Variants in AKAP6 observed in about 807,000 individuals in gnomAD.
The protein encoded by AKAP6 is A-kinase anchoring protein 6, also known as A-kinase anchor protein 6.
AKAP6 carries 58 observed loss-of-function variants against 188.5 expected under a neutral mutation model. The observed-to-expected ratio is 0.31, with a 90% CI of 0.25 to 0.38. The LOEUF is 0.38. Ranked by LOEUF, AKAP6 falls within the 10% of genes least tolerant of loss-of-function variation. The pLI, the probability that AKAP6 is intolerant of heterozygous loss-of-function variation, is 1.00. For missense variants in AKAP6, 2,710 were observed against 2,740.0 expected, an observed-to-expected ratio of 0.99 and a Z score of 0.24; for synonymous variants, 989 against 998.6, an observed-to-expected ratio of 0.99 and a Z score of 0.18.
At chr14:32,487,344 T>A (rs534719079) in intron 2 of AKAP6, among the ~76,000 whole-genome samples, 1 of 152,226 alleles carries the variant, frequency 6.6e-6, no homozygotes, top group Admixed American at 6.5e-5. Context: ...AAATGAGGTA[T>A]GGAGGAGTCC....
intron 2 of AKAP6, among the ~76,000 whole-genome samples, chr14:32,456,745 G>T (rs554179333): frequency 6.6e-6 from 1 of 152,258 alleles, no homozygotes; most frequent in South Asian, 2.1e-4. Context: ...AGAGGATCTT[G>T]TCCAAGGACC....
chr14:32,598,643 A>G (rs76895522), intron 5 of AKAP6, among the ~76,000 whole-genome samples: 1 of 152,322 alleles, frequency 6.6e-6, no homozygotes, highest in East Asian at 1.9e-4. Flanking sequence ...AGCATATAGT[A>G]AGATAAATTT....
At position 32,823,506 on chromosome 14, in the gene AKAP6, A is replaced by G; in HGVS notation, c.5693A>G (p.Asn1898Ser). The G allele has an allele frequency of 6.2e-7, 1 of 1,613,828 alleles. No homozygotes were observed. The highest frequency in any genetic ancestry group is 8.5e-7 in the Non-Finnish European group (1 of 1,179,868). ...TATGTGGCTGACATGGAAAATGGCA[A>G]TATTGAAGGTATTCCAGAAAGGCAA... ...DPYVADMENGNIEGIPERQKG... is the reference protein window; with the variant it reads ...DPYVADMENGSIEGIPERQKG... Residue 1898 changes from asparagine to serine, a missense_variant, in exon 13 of 14, where the codon AAT becomes AGT. This residue lies in a region of AKAP6 where 2,473 missense variants were observed against 2,426.1 expected (regional missense o/e 1.02). Transcript: ENST00000280979.
rs1405670422 is a variant in AKAP6, at chr14:32,822,552, T to G, written c.4739T>G (p.Leu1580Trp). The change falls in exon 13 of 14, where the codon TTG becomes TGG. Residue 1580 changes from leucine (L) to tryptophan (W), a missense_variant. Leu to Trp is a moderately conservative substitution (Grantham distance 61). Transcript: ENST00000280979. ...SLSPGGDLFG[L>W]GIFKNGSDSL... ...TCTCCAGGGGGTGATTTATTTGGAT[T>G]GGGCATCTTTAAAAATGGCAGTGAC... is the stretch of plus-strand genomic sequence containing the variant. 1 of 1,614,068 alleles carries G rather than the reference T, an allele frequency of 6.2e-7. No homozygotes were observed. The highest frequency in any genetic ancestry group is 8.5e-7 in the Non-Finnish European group (1 of 1,179,956).
chr14:32,424,086 G>A (rs887518150), intron 1 of AKAP6, among the ~76,000 whole-genome samples: 1 of 152,112 alleles, frequency 6.6e-6, no homozygotes, highest in Non-Finnish European at 1.5e-5. Context: ...TTGGAAAAGT[G>A]GATGTTGATC....
chr14:32,633,007 G>A (rs562366693), intron 7 of AKAP6, among the ~76,000 whole-genome samples: 1 of 152,176 alleles, frequency 6.6e-6, no homozygotes, highest in East Asian at 1.9e-4. Context: ...CATTCTAAAT[G>A]TAATGCTATC....
intron 12 of AKAP6, among the ~76,000 whole-genome samples, chr14:32,776,314 A>G (rs1386660157): frequency 1.3e-5 from 2 of 152,082 alleles, no homozygotes; most frequent in Non-Finnish European, 2.9e-5. Context: ...TACTGTTCTC[A>G]TGGTAGTGAA....
At chr14:32,747,269 A>G (rs2031950472) in intron 11 of AKAP6, among the ~76,000 whole-genome samples, 2 of 152,204 alleles carry the variant, frequency 1.3e-5, no homozygotes, top group African/African-American at 4.8e-5. Context: ...TTTGATGTAT[A>G]AGAAAAGTAG....
chr14:32,592,854 G>A (rs1885543372), intron 5 of AKAP6, among the ~76,000 whole-genome samples: 1 of 152,168 alleles, frequency 6.6e-6, no homozygotes, highest in Non-Finnish European at 1.5e-5. Context: ...GTTGGCCAAA[G>A]CTACACAGTG....
intron 2 of AKAP6, among the ~76,000 whole-genome samples, chr14:32,514,242 A>G (rs1425525591): frequency 6.6e-6 from 1 of 152,200 alleles, no homozygotes; most frequent in Non-Finnish European, 1.5e-5. Flanking sequence ...ATGAGGCTTC[A>G]TTTCCTGTTC....
At chr14:32,713,253 G>C (rs2139759314) in intron 9 of AKAP6, among the ~76,000 whole-genome samples, 1 of 152,130 alleles carries the variant, frequency 6.6e-6, no homozygotes, top group South Asian at 2.1e-4. Flanking sequence ...CTGTCATCCA[G>C]GCTTTGTTGT....
At chr14:32,641,332 T>C (rs10129321) in intron 7 of AKAP6, among the ~76,000 whole-genome samples, 36,442 of 151,640 alleles carry the variant, frequency 0.24, 4,988 homozygotes, top group South Asian at 0.38. Flanking sequence ...CTAGGACCTT[T>C]TAGCCAAAGA....
chr14:32,539,740 C>T (rs1400716644), intron 3 of AKAP6, among the ~76,000 whole-genome samples: 1 of 152,126 alleles, frequency 6.6e-6, no homozygotes, highest in African/African-American at 2.4e-5. Flanking sequence ...CTATGAGAAA[C>T]AAACCTTTGT....
chr14:32,682,202 C>A (rs1206636215), intron 8 of AKAP6, among the ~76,000 whole-genome samples: 2 of 152,124 alleles, frequency 1.3e-5, no homozygotes, highest in Non-Finnish European at 2.9e-5. Context: ...GCTAGGTCGG[C>A]AGAAGTGCTT....
At chr14:32,786,628 C>G (rs1200417242) in intron 12 of AKAP6, among the ~76,000 whole-genome samples, 2 of 151,898 alleles carry the variant, frequency 1.3e-5, no homozygotes, top group South Asian at 4.2e-4. Flanking sequence ...CCAGCCTAAA[C>G]CTTTATCTTA....
intron 1 of AKAP6, among the ~76,000 whole-genome samples, chr14:32,333,206 T>C (rs573685826): frequency 5.8e-4 from 88 of 152,232 alleles, no homozygotes; most frequent in African/African-American, 1.8e-3. Context: ...CTAGGTACAA[T>C]GACTACAGGA....
intron 3 of AKAP6, among the ~76,000 whole-genome samples, chr14:32,545,009 A>G (rs1466338254): frequency 1.3e-5 from 2 of 152,202 alleles, no homozygotes; most frequent in African/African-American, 4.8e-5. Context: ...TTAAGGCTGT[A>G]TACTCCAGAT....
intron 12 of AKAP6, among the ~76,000 whole-genome samples, chr14:32,784,485 G>C (rs1188395496): frequency 2.6e-5 from 4 of 152,146 alleles, no homozygotes; most frequent in Non-Finnish European, 5.9e-5. Context: ...TATACATTGT[G>C]AGGAGACATG....
chr14:32,786,296 ATCTTT>A lies in AKAP6; in HGVS notation c.3588+12405_3588+12409del, dbSNP rs1315554379. Among the ~76,000 whole-genome samples the A allele has an allele frequency of 1.4e-3, 131 of 93,716 alleles. 20 individuals carry two copies. Among genetic ancestry groups the A allele is most frequent in the African/African-American group, 4.4e-3 (107 of 24,390 alleles). The allele number at this position is 93,716 out of a possible 152,430, so 61.5% of individuals were successfully genotyped here. A position where few individuals can be genotyped will look rare whatever the true frequency, so the allele number is the denominator to read the frequency against. On this transcript the variant is annotated intron_variant, in intron 12 of 13. Transcript: ENST00000280979. The stretch of plus-strand genomic sequence containing the variant: ...AGCCCTCTGAAAGACCTAAACCTTT[ATCTTT>A]TTTTTTTTTTTTTTTTTTTTTTTTG...
Sources: allele counts gnomAD v4.1 joint callset (sites outside exome capture counted in the v4.1 genomes callset), GRCh38; gene constraint gnomAD v4.1.1; regional missense constraint gnomAD v4.1.1; transcripts MANE v1.5; gene names NCBI Gene and HGNC (gene_info 2026-07-23, HGNC 2026-07-21).